The following STARD3 variants were observed in gnomAD, a reference collection of about 807,000 sequenced individuals.
STARD3 encodes the protein stAR-related lipid transfer protein 3.
A neutral mutation model predicts 62.0 loss-of-function variants in STARD3; 39 were observed. The ratio of observed to expected loss-of-function variants is 0.63; its 90% CI spans 0.49 to 0.82. The LOEUF is 0.82. Among genes scored for constraint, STARD3 ranks in the 40% least tolerant of loss-of-function variants. The probability of loss-of-function intolerance (pLI) is 0.00; values close to 1 mark genes in which losing one functional copy is unlikely to be tolerated. For synonymous variants in STARD3, 229 were observed against 242.4 expected, an observed-to-expected ratio of 0.94 and a Z score of 0.51; for missense variants, 543 against 584.5, an observed-to-expected ratio of 0.93 and a Z score of 0.73.
chr17:39,662,377 G>A (rs756935105), intron 14 of STARD3, 33 bp downstream of exon 14: 2 of 1,599,366 alleles, frequency 1.3e-6, no homozygotes, highest in Non-Finnish European at 1.7e-6. Flanking sequence ...GGTGGGTTCT[G>A]TGGAGTGGAG....
intron 7 of STARD3, 90 bp downstream of exon 7, chr17:39,658,910 C>T (rs2057162852): frequency 2.6e-6 from 4 of 1,563,978 alleles, no homozygotes; most frequent in Non-Finnish European, 3.5e-6. Context: ...TTCCTTCTAT[C>T]AGGCTCCCTG....
At chr17:39,657,209 G>A (rs2952139) in intron 3 of STARD3, 124 bp downstream of exon 3, 45,265 of 937,796 alleles carry the variant, frequency 0.048, 1,345 homozygotes, top group African/African-American at 0.069. Context: ...CCCATCCTTC[G>A]GGAGCCATCA....
chr17:39,643,815 T>G (rs1369193474), intron 1 of STARD3, among the ~76,000 whole-genome samples: 2 of 152,352 alleles, frequency 1.3e-5, no homozygotes, highest in South Asian at 2.1e-4. Context: ...CTAACCCTCA[T>G]GCAGCCACCA....
chr17:39,641,613 G>C (rs990494523), intron 1 of STARD3, among the ~76,000 whole-genome samples: 1 of 152,192 alleles, frequency 6.6e-6, no homozygotes, highest in African/African-American at 2.4e-5. Context: ...GGTAATAGTA[G>C]TAATAGCTGC....
At chr17:39,644,851 C>CAA (rs35361174) in intron 1 of STARD3, among the ~76,000 whole-genome samples, 1,799 of 116,860 alleles carry the variant, frequency 0.015, 51 homozygotes, top group African/African-American at 0.052. Flanking sequence ...GACAGAGTCT[C>CAA]AAAAAAAAAA....
chr17:39,648,202 G>A (rs1196476604), intron 1 of STARD3, among the ~76,000 whole-genome samples: 9 of 151,948 alleles, frequency 5.9e-5, no homozygotes, highest in East Asian at 3.9e-4. Flanking sequence ...GGAGAGAATC[G>A]CTTGAACCCA....
chr17:39,658,923 G>A (rs1473083213), intron 7 of STARD3, 103 bp downstream of exon 7: 1 of 1,563,746 alleles, frequency 6.4e-7, no homozygotes, highest in South Asian at 1.1e-5. Flanking sequence ...GCTCCCTGGG[G>A]AAAGCCAGCA....
chr17:39,653,830 GC>G, intron 2 of STARD3, 80 bp downstream of exon 2: 1 of 1,534,038 alleles, frequency 6.5e-7, no homozygotes, highest in East Asian at 2.3e-5. Context: ...ACATGGGAGG[GC>G]TGCCTCTCCC....
At chr17:39,661,336 T>G in intron 13 of STARD3, 1 of 536,368 alleles carries the variant, frequency 1.9e-6, no homozygotes, top group Non-Finnish European at 3.4e-6. Context: ...GGTGGCTGGC[T>G]GGGGTAGACC....
chr17:39,661,391 T>C, intron 13 of STARD3: 1 of 431,192 alleles, frequency 2.3e-6, no homozygotes, highest in Admixed American at 3.7e-5. Context: ...AGCCATGTGC[T>C]CACTCTGGGC....
rs1183853585 is a variant in STARD3 at position 39,653,289 on chromosome 17, T to TAGGACAGG, written c.-51-191_-51-190insGGACAGGA. 6.9e-6 allele frequency: 4 copies of TAGGACAGG among 583,156 alleles called. No individual in the cohort carries two copies. The East Asian group carries it at 1.1e-4, about 17-fold the overall frequency. The allele number at this position is 583,156 out of a possible 1,614,324, so 36.1% of individuals were successfully genotyped here. ...AGGGAGCACCAGGAAGGAGGACAGA[T>TAGGACAGG]AATTAGCGGAATGCTCAACCCTGCA... On this transcript the variant is annotated intron_variant, in intron 1 of 14. Transcript: ENST00000336308.
intron 1 of STARD3, among the ~76,000 whole-genome samples, chr17:39,641,840 C>T (rs182553999): frequency 5.6e-4 from 86 of 152,318 alleles, no homozygotes; most frequent in African/African-American, 1.9e-3. Context: ...TTCCCTGTTC[C>T]AGGGTGGACA....
rs555785689 is a variant in STARD3, at chr17:39,645,538, C to T, written c.-51-7943C>T. On this transcript the variant is annotated intron_variant, in intron 1 of 14. Transcript: ENST00000336308. ...GGGCGGGGGTGCAATGGTGTGATCT[C>T]GGCTCACTGCAACCTCCGCTTCCCG... Among the ~76,000 whole-genome samples the T allele has an allele frequency of 1.5e-4, 23 of 151,910 alleles. No homozygotes were observed. The South Asian group carries it at 4.2e-3, about 27-fold the overall frequency.
intron 1 of STARD3, among the ~76,000 whole-genome samples, chr17:39,645,174 A>T (rs1280199983): frequency 6.6e-6 from 1 of 152,150 alleles, no homozygotes; most frequent in Non-Finnish European, 1.5e-5. Flanking sequence ...AAGAGGAAGG[A>T]GTAGAGATCA....
At chr17:39,648,007 C>T (rs772442133) in intron 1 of STARD3, among the ~76,000 whole-genome samples, 17 of 152,038 alleles carry the variant, frequency 1.1e-4, no homozygotes, top group Admixed American at 5.2e-4. Context: ...TGAGCATGGC[C>T]GGCCGCGGTG....
At chr17:39,641,455 T>TAA (rs901146234) in intron 1 of STARD3, among the ~76,000 whole-genome samples, 1 of 144,088 alleles carries the variant, frequency 6.9e-6, no homozygotes, top group African/African-American at 2.5e-5. Flanking sequence ...ACCTGTCTCT[T>TAA]AAAAAAAAAA....
intron 2 of STARD3, among the ~76,000 whole-genome samples, chr17:39,656,329 C>G (rs2057129552): frequency 6.6e-6 from 1 of 152,180 alleles, no homozygotes; most frequent in South Asian, 2.1e-4. Context: ...TCACCCCCGT[C>G]ATTCCAAGGA....
intron 1 of STARD3, among the ~76,000 whole-genome samples, chr17:39,639,641 T>G (rs2056965754): frequency 6.6e-6 from 1 of 152,110 alleles, no homozygotes; most frequent in Non-Finnish European, 1.5e-5. Flanking sequence ...CGCTGGCAAT[T>G]CCTTTCCTGT....
rs552855576 is a variant in STARD3, at chr17:39,654,992, G to A, written c.219+1242G>A. ...GGAGCCATGGCCATGGATGGCCCTA[G>A]GGGCCATCTTACCCATGAAAAAGCT... On this transcript the variant is annotated intron_variant, in intron 2 of 14. Transcript: ENST00000336308. Among the ~76,000 whole-genome samples, 12 of 152,238 alleles carry A rather than the reference G, an allele frequency of 7.9e-5. No homozygotes were observed. In the East Asian group the frequency reaches 2.3e-3, roughly 29 times the overall value.
Sources: allele counts gnomAD v4.1 joint callset (sites outside exome capture counted in the v4.1 genomes callset), GRCh38; gene constraint gnomAD v4.1.1; transcripts MANE v1.5; gene names NCBI Gene and HGNC (gene_info 2026-07-23, HGNC 2026-07-21).